The following VPS13D variants were observed in gnomAD, a reference collection of about 807,000 sequenced individuals.
VPS13D encodes intermembrane lipid transfer protein VPS13D.
Under a neutral mutation model 461.9 loss-of-function variants are expected in VPS13D, and 187 were observed. The ratio of observed to expected loss-of-function variants is 0.40; its 90% CI spans 0.36 to 0.46. The LOEUF (loss-of-function observed/expected upper bound fraction) is 0.46. Among genes scored for constraint, VPS13D ranks in the 20% least tolerant of loss-of-function variants. The pLI is 0.60. For missense variants in VPS13D, 4,711 were observed against 5,364.9 expected (o/e 0.88, Z 3.81); for synonymous variants, 1,951 against 1,986.3 (o/e 0.98, Z 0.47).
intron 67 of VPS13D, among the ~76,000 whole-genome samples, chr1:12,471,033 G>A (rs1454340952): frequency 6.6e-6 from 1 of 152,176 alleles, no homozygotes; most frequent in African/African-American, 2.4e-5. Flanking sequence ...CAGGCATGGT[G>A]GCTCAAGCCT....
rs759205615 is a variant in VPS13D at position 12,505,450 on chromosome 1, C to T, written c.12795-1403C>T. ...AAGTCCACATTCTTGGCATTGCCAA[C>T]CAGTTAGAATAGAACAATAAATCCC... On this transcript the variant is annotated intron_variant, in intron 68 of 69. Transcript: ENST00000620676. This position sits in a 1 kb window ranked among gnomAD's most constrained non-coding sequence, Gnocchi z 4.2. Among the ~76,000 whole-genome samples, 12 of 152,350 alleles carry T rather than the reference C, an allele frequency of 7.9e-5. No individual in the cohort carries two copies. Among genetic ancestry groups the T allele is most frequent in the Non-Finnish European group, 8.8e-5 (6 of 68,040 alleles).
chr1:12,297,101 T>A (rs1642300506), intron 24 of VPS13D, among the ~76,000 whole-genome samples: 1 of 152,200 alleles, frequency 6.6e-6, no homozygotes, highest in Non-Finnish European at 1.5e-5. Context: ...AAGATCTACT[T>A]TTATTTGTCG....
chr1:12,259,327 T>A (rs1174077760), intron 10 of VPS13D, among the ~76,000 whole-genome samples: 3 of 151,666 alleles, frequency 2.0e-5, no homozygotes, highest in East Asian at 3.9e-4. Flanking sequence ...TTATTTTTTT[T>A]TTTTTTGAGA....
rs1458658764 is a variant in VPS13D, at chr1:12,502,653, AAAG to A, written c.12795-4198_12795-4196del. On this transcript the variant is annotated intron_variant, in intron 68 of 69. Coordinates refer to ENST00000620676, the MANE Select transcript of VPS13D (RefSeq NM_015378.4). The surrounding 1 kb of genome is among the most constrained non-coding windows in gnomAD (Gnocchi z 4.3). ...ATGAGTTAATATCGAAAAAAAAAAA[AAAG>A]AGCAGGAGGAAAATTAAGTAGAGTG... 2.0e-5 allele frequency among the ~76,000 whole-genome samples: 3 copies of A among 152,104 alleles called. No homozygotes were observed. Among genetic ancestry groups the A allele is most frequent in the African/African-American group, 4.8e-5 (2 of 41,458 alleles).
chr1:12,339,765 A>G (rs969114136), intron 40 of VPS13D, among the ~76,000 whole-genome samples: 2 of 152,194 alleles, frequency 1.3e-5, no homozygotes, highest in African/African-American at 4.8e-5. Flanking sequence ...AGCCTGTGCC[A>G]TTATGTCTCA....
intron 67 of VPS13D, among the ~76,000 whole-genome samples, chr1:12,466,111 G>A (rs1645479568): frequency 6.6e-6 from 1 of 151,516 alleles, no homozygotes; most frequent in Non-Finnish European, 1.5e-5. Context: ...CTCCAGCCTG[G>A]CGACAGAGCG....
chr1:12,433,949 A>AGAGT (rs1553121770), intron 65 of VPS13D, among the ~76,000 whole-genome samples: 33 of 145,008 alleles, frequency 2.3e-4, no homozygotes, highest in Admixed American at 1.5e-3. Context: ...AGAGAGAGAG[A>AGAGT]GTGTGTGTGT....
chr1:12,397,753 AG>A (rs1644518917), intron 60 of VPS13D, among the ~76,000 whole-genome samples: 2 of 152,250 alleles, frequency 1.3e-5, no homozygotes, highest in Non-Finnish European at 2.9e-5. Context: ...GTGCTACTTT[AG>A]AAAAAGTGGC....
intron 65 of VPS13D, among the ~76,000 whole-genome samples, chr1:12,418,817 CTG>C (rs1306366226): frequency 6.6e-6 from 1 of 152,178 alleles, no homozygotes; most frequent in East Asian, 1.9e-4. Context: ...GTCTGGGACA[CTG>C]AGAGTAGGAG....
intron 63 of VPS13D, among the ~76,000 whole-genome samples, chr1:12,410,551 C>A (rs1167637281): frequency 6.6e-6 from 1 of 152,080 alleles, no homozygotes; most frequent in Admixed American, 6.5e-5. Flanking sequence ...AAAACAAACA[C>A]TAGAAACAGA....
intron 30 of VPS13D, among the ~76,000 whole-genome samples, chr1:12,316,000 A>G (rs1453945568): frequency 6.6e-6 from 1 of 152,060 alleles, no homozygotes; most frequent in African/African-American, 2.4e-5. Context: ...TATTTTTAGT[A>G]GAAACGGGGT....
intron 35 of VPS13D, 136 bp from the exon 36 acceptor site, chr1:12,327,512 A>G (rs542940008): frequency 8.7e-5 from 26 of 298,486 alleles, no homozygotes; most frequent in South Asian, 7.7e-4. Context: ...TATTAAGTCC[A>G]AGAATACTTC....
At chr1:12,314,396 G>T (rs1642837283) in intron 30 of VPS13D, 69 bp downstream of exon 30, 1 of 1,500,742 alleles carries the variant, frequency 6.7e-7, no homozygotes, top group Admixed American at 1.9e-5. Context: ...GTCTTTGTTG[G>T]CTTTAGAACA....
intron 13 of VPS13D, among the ~76,000 whole-genome samples, 163 bp from the exon 14 acceptor site, chr1:12,266,718 A>G (rs1641279483): frequency 6.6e-6 from 1 of 152,138 alleles, no homozygotes; most frequent in African/African-American, 2.4e-5. Flanking sequence ...AATATCTCCA[A>G]TATGTGCCTG....
intron 6 of VPS13D, 138 bp from the exon 7 acceptor site, chr1:12,253,584 A>G (rs117534338): frequency 0.021 from 13,334 of 641,082 alleles, 608 homozygotes; most frequent in Admixed American, 0.14. Context: ...GAGCAGAAGC[A>G]TGTTTTAATT....
Position 12,509,242 on chromosome 1 carries a change from A to T in VPS13D, c.*218A>T. On this transcript the variant is annotated 3_prime_UTR_variant, in exon 70 of 70. Coordinates refer to ENST00000620676, the MANE Select transcript of VPS13D (RefSeq NM_015378.4). ...TTTAGATTATGGGAAATAATTTTTA[A>T]AGGTATTGGTTAAATAACGTTTAAA... is the stretch of plus-strand genomic sequence containing the variant. The T allele has an allele frequency of 1.8e-6, 1 of 563,898 alleles. No homozygotes were observed. The highest frequency in any genetic ancestry group is 3.0e-6 in the Non-Finnish European group (1 of 336,584). The allele number at this position is 563,898 out of a possible 1,614,324, so 34.9% of individuals were successfully genotyped here.
intron 67 of VPS13D, among the ~76,000 whole-genome samples, chr1:12,474,884 A>G (rs139628181): frequency 2.6e-4 from 39 of 152,330 alleles, no homozygotes; most frequent in African/African-American, 8.7e-4. Flanking sequence ...AGAACATATG[A>G]TAAGTACAAC....
intron 25 of VPS13D, among the ~76,000 whole-genome samples, 170 bp from the exon 26 acceptor site, chr1:12,304,336 A>G (rs765295670): frequency 4.6e-5 from 7 of 152,190 alleles, no homozygotes; most frequent in Non-Finnish European, 1.0e-4. Context: ...TGATCCTGGT[A>G]GCCTCTTGTT....
At chr1:12,343,830 G>T (rs115291816) in intron 42 of VPS13D, among the ~76,000 whole-genome samples, 701 of 152,300 alleles carry the variant, frequency 4.6e-3, no homozygotes, top group African/African-American at 0.016. Context: ...TTGCATCTTG[G>T]CCTGATTTTC....
Sources: allele counts gnomAD v4.1 joint callset (sites outside exome capture counted in the v4.1 genomes callset), GRCh38; gene constraint gnomAD v4.1.1; non-coding constraint Gnocchi (gnomAD v3.1); transcripts MANE v1.5; gene names NCBI Gene and HGNC (gene_info 2026-07-23, HGNC 2026-07-21).